The following SNCAIP variants were observed in gnomAD, a reference collection of about 807,000 sequenced individuals.
SNCAIP encodes the protein synphilin-1.
In SNCAIP, 43 loss-of-function variants were observed where a neutral mutation model predicts 86.7. The observed-to-expected ratio is 0.50, with a 90% CI of 0.39 to 0.64. The LOEUF is 0.64. SNCAIP is among the 30% of genes least tolerant of loss of function. SNCAIP has a pLI of 0.00. For synonymous variants in SNCAIP, 417 were observed against 427.2 expected (o/e 0.98, Z 0.29); for missense variants, 981 against 1,103.1 (o/e 0.89, Z 1.57).
chr5:122,450,987 G>A lies in SNCAIP; in HGVS notation c.2140G>A (p.Ala714Thr), dbSNP rs143468222. 9.3e-5 allele frequency: 150 copies of A among 1,614,106 alleles called. No individual in the cohort carries two copies. The highest frequency in any genetic ancestry group is 2.5e-4 in the African/African-American group (19 of 75,024). The stretch of plus-strand genomic sequence containing the variant: ...AGAAAGCGTAGAGAGTATGGACAGC[G>A]CAGAAAGCCTGCACCTGATGATTAA... The part of the protein sequence containing the change: ...IVESVESMDS[A>T]ESLHLMIKKH... Residue 714 changes from alanine to threonine, a missense_variant, in exon 10 of 11, where the codon GCA becomes ACA. By Grantham distance (58) the Ala-to-Thr change is moderately conservative. Coordinates refer to ENST00000261368, the MANE Select transcript of SNCAIP (RefSeq NM_005460.4).
chr5:122,453,110 A>G, intron 10 of SNCAIP: 1 of 618,918 alleles, frequency 1.6e-6, no homozygotes. Context: ...ACCAAGGAAG[A>G]AGAAAATTAC....
intron 1 of SNCAIP, among the ~76,000 whole-genome samples, chr5:122,314,462 G>C (rs1040952922): frequency 3.3e-5 from 5 of 152,142 alleles, no homozygotes; most frequent in African/African-American, 1.2e-4. Flanking sequence ...TTTGTTTTTG[G>C]CAGTTTGTCA....
chr5:122,348,163 T>A (rs938210432), intron 1 of SNCAIP, among the ~76,000 whole-genome samples: 1 of 152,144 alleles, frequency 6.6e-6, no homozygotes, highest in Non-Finnish European at 1.5e-5. Flanking sequence ...TTCGTAACAA[T>A]TGGGATACAA....
intron 1 of SNCAIP, among the ~76,000 whole-genome samples, chr5:122,374,745 T>A (rs1764948488): frequency 6.6e-6 from 1 of 152,200 alleles, no homozygotes; most frequent in Non-Finnish European, 1.5e-5. Context: ...CTCAACAGTT[T>A]TCAGTCTGGA....
chr5:122,417,397 G>C (rs1425091029), intron 3 of SNCAIP, among the ~76,000 whole-genome samples: 1 of 152,102 alleles, frequency 6.6e-6, no homozygotes, highest in African/African-American at 2.4e-5. Flanking sequence ...GGGTGGATCG[G>C]GTTTTAGCAA....
At chr5:122,411,630 A>G (rs983221505) in intron 3 of SNCAIP, among the ~76,000 whole-genome samples, 1 of 152,076 alleles carries the variant, frequency 6.6e-6, no homozygotes, top group Non-Finnish European at 1.5e-5. Flanking sequence ...TCATAGTTGA[A>G]GGGTCCTCTT....
At chr5:122,358,160 TG>T (rs1761426932) in intron 1 of SNCAIP, among the ~76,000 whole-genome samples, 1 of 42,072 alleles carries the variant, frequency 2.4e-5, no homozygotes, top group Non-Finnish European at 4.8e-5. Flanking sequence ...TTTGTTTCTT[TG>T]TGTGTGTGTG....
chr5:122,315,985 G>A (rs1180399609), intron 1 of SNCAIP, among the ~76,000 whole-genome samples: 1 of 152,178 alleles, frequency 6.6e-6, no homozygotes, highest in Non-Finnish European at 1.5e-5. Flanking sequence ...AAGAATGATT[G>A]TGCTTTTGTA....
At chr5:122,405,746 G>A (rs559028549) in intron 3 of SNCAIP, among the ~76,000 whole-genome samples, 25 of 151,912 alleles carry the variant, frequency 1.6e-4, no homozygotes, top group Non-Finnish European at 2.4e-4. Context: ...TATTTTTTCC[G>A]TTAAATGGTG....
intron 1 of SNCAIP, among the ~76,000 whole-genome samples, chr5:122,374,784 C>T (rs1159726019): frequency 6.6e-6 from 1 of 152,048 alleles, no homozygotes; most frequent in South Asian, 2.1e-4. Context: ...ATTATTTACT[C>T]GTGCAAGATA....
At chr5:122,450,156 A>T (rs1380644543) in intron 9 of SNCAIP, among the ~76,000 whole-genome samples, 1 of 152,220 alleles carries the variant, frequency 6.6e-6, no homozygotes, top group African/African-American at 2.4e-5. Context: ...TTCCACGACT[A>T]TAAACAAGTC....
In SNCAIP at chr5:122,449,936, A is replaced by G. The variant is rs1343446384; in HGVS notation, c.1684A>G (p.Ser562Gly). 2.5e-6 allele frequency: 4 copies of G among 1,594,702 alleles called. No homozygotes were observed. The African/African-American group carries it at 5.4e-5, about 21-fold the overall frequency. Reference sequence around the variant, plus strand: ...GGGCAAGTCACTCCCTTCTTCACCCAGGTAATACCAGCACATTGTTGTTTA... The same window carrying G: ...GGGCAAGTCACTCCCTTCTTCACCCGGGTAATACCAGCACATTGTTGTTTA... ...SEGKSLPSSPSSPSSPASRKS... is the reference protein window; with the variant it reads ...SEGKSLPSSPGSPSSPASRKS... Residue 562 changes from serine to glycine, a missense_variant and splice_region_variant, in exon 9 of 11, where the codon AGT (serine) becomes GGT (glycine). Physicochemically the swap from Ser to Gly is moderately conservative, Grantham distance 56 (BLOSUM62 0). Transcript: ENST00000261368.
intron 10 of SNCAIP, chr5:122,453,048 T>G (rs1784033765): frequency 7.1e-6 from 8 of 1,133,256 alleles, no homozygotes; most frequent in Non-Finnish European, 1.0e-5. Flanking sequence ...TTGCTTTGAA[T>G]TGCATGAGCT....
intron 1 of SNCAIP, among the ~76,000 whole-genome samples, chr5:122,324,437 T>C (rs1313390483): frequency 6.6e-6 from 1 of 152,232 alleles, no homozygotes; most frequent in African/African-American, 2.4e-5. Flanking sequence ...GTTGTTGATT[T>C]TGGTATGAAT....
Position 122,444,667 on chromosome 5 carries a change from G to C in SNCAIP, c.1527G>C (p.Leu509=), listed in dbSNP as rs777618210. ...GGCACACCCTGTGCTCCAGGTACCT[G>C]GTGGTGGTGGAGACCTGCATGTCGC... ...RQGHTLCSRY[L]VVVETCMSLA... Residue 509 remains leucine (L), a synonymous_variant, in exon 8 of 11, where the codon CTG becomes CTC. Coordinates refer to ENST00000261368, the MANE Select transcript of SNCAIP (RefSeq NM_005460.4). The C allele has an allele frequency of 8.7e-6, 14 of 1,613,792 alleles. No individual in the cohort carries two copies. The highest frequency in any genetic ancestry group is 1.2e-5 in the Non-Finnish European group (14 of 1,179,738).
rs753812026 is a variant in SNCAIP at position 122,423,520 on chromosome 5, G to A, written c.783G>A (p.Lys261=). The change falls in exon 4 of 11, where the codon AAG becomes AAA. Residue 261 remains lysine (K), a synonymous_variant. Transcript: ENST00000261368. ...PENQSKDFLN[K]TFSDPHGRKV... ...ACCAGAGTAAAGACTTCCTAAACAA[G>A]ACATTTAGTGATCCTCATGGTCGAA... The A allele has an allele frequency of 4.1e-5, 66 of 1,613,970 alleles. No homozygotes were observed. Among genetic ancestry groups the A allele is most frequent in the Non-Finnish European group, 5.3e-5 (62 of 1,180,020 alleles).
chr5:122,333,998 C>T (rs754559489), intron 1 of SNCAIP, among the ~76,000 whole-genome samples: 3 of 152,012 alleles, frequency 2.0e-5, no homozygotes, highest in African/African-American at 7.3e-5. Context: ...AAGAGATCAG[C>T]ATAGAAGACT....
intron 6 of SNCAIP, among the ~76,000 whole-genome samples, chr5:122,433,147 GTA>G (rs912281656): frequency 1.2e-4 from 17 of 141,586 alleles, no homozygotes; most frequent in Admixed American, 4.3e-4. Context: ...GTGTGTGTGT[GTA>G]TAATATATAT....
rs190914682 is a variant in SNCAIP, at chr5:122,318,832, C to G, written c.-47+6548C>G. The stretch of plus-strand genomic sequence containing the variant: ...AGACCAGATAAGGAATCCTTTTCCC[C>G]CTATCATCAGAGAGGATATTTAATA... On this transcript the variant is annotated intron_variant, in intron 1 of 10. Coordinates refer to ENST00000261368, the MANE Select transcript of SNCAIP (RefSeq NM_005460.4). Among the ~76,000 whole-genome samples, 10 of 152,258 alleles carry G rather than the reference C, an allele frequency of 6.6e-5. No homozygotes were observed. The East Asian group carries it at 1.7e-3, about 26-fold the overall frequency.
Sources: gnomAD v4.1 joint callset for allele counts (sites outside exome capture counted in the v4.1 genomes callset) on GRCh38, gnomAD v4.1.1 for gene constraint, MANE v1.5 for transcripts, NCBI Gene and HGNC (gene_info 2026-07-23, HGNC 2026-07-21) for gene names.